Variants in FHOD3 observed in about 807,000 individuals in gnomAD.
FHOD3 encodes formin homology 2 domain containing 3, also known as FH1/FH2 domain-containing protein 3.
In FHOD3, 90 loss-of-function variants were observed where a neutral mutation model predicts 173.0. That is an observed-to-expected ratio of 0.52 (90% confidence interval 0.44 to 0.62). FHOD3 has a LOEUF of 0.62. Ranked by LOEUF, FHOD3 falls within the 20% of genes least tolerant of loss-of-function variation. FHOD3 has a pLI of 0.00. For missense variants in FHOD3, 1,945 were observed against 2,034.7 expected (o/e 0.96, Z 0.85); for synonymous variants, 828 against 823.0 (o/e 1.01, Z -0.10).
chr18:36,739,799 G>GA (rs1199039894), intron 20 of FHOD3, among the ~76,000 whole-genome samples: 4 of 152,118 alleles, frequency 2.6e-5, no homozygotes, highest in Non-Finnish European at 5.9e-5. Context: ...TTTGTGTATT[G>GA]ACCCTATATC....
intron 3 of FHOD3, among the ~76,000 whole-genome samples, chr18:36,386,993 T>G (rs543977944): frequency 8.5e-5 from 13 of 152,336 alleles, no homozygotes; most frequent in Admixed American, 7.2e-4. Flanking sequence ...ATTCAAAATA[T>G]AGAAGTTCTT....
intron 3 of FHOD3, among the ~76,000 whole-genome samples, chr18:36,414,494 A>G (rs2049522545): frequency 6.6e-6 from 1 of 152,200 alleles, no homozygotes; most frequent in South Asian, 2.1e-4. Flanking sequence ...AGCAATACCA[A>G]GGAGAGCTGC....
intron 28 of FHOD3, among the ~76,000 whole-genome samples, chr18:36,773,530 C>T (rs1322325295): frequency 9.9e-5 from 15 of 152,242 alleles, no homozygotes; most frequent in Admixed American, 9.8e-4. Context: ...TCACGAGTGA[C>T]TTGGCCCTTA....
At chr18:36,721,158 T>A (rs2040766437) in intron 19 of FHOD3, among the ~76,000 whole-genome samples, 1 of 152,218 alleles carries the variant, frequency 6.6e-6, no homozygotes, top group Admixed American at 6.5e-5. Context: ...AATGTTTGCA[T>A]AGTTTTTATC....
chr18:36,319,227 A>G (rs1201448789), intron 1 of FHOD3, among the ~76,000 whole-genome samples: 1 of 152,206 alleles, frequency 6.6e-6, no homozygotes. Flanking sequence ...CAGGAGACCC[A>G]TCTCACGTGA....
intron 3 of FHOD3, among the ~76,000 whole-genome samples, chr18:36,472,723 A>G (rs537866987): frequency 1.1e-4 from 16 of 152,262 alleles, no homozygotes; most frequent in African/African-American, 3.6e-4. Flanking sequence ...AGCTTCATCC[A>G]TGTTGTAACA....
chr18:36,310,721 A>C (rs2092235751), intron 1 of FHOD3, among the ~76,000 whole-genome samples: 1 of 151,928 alleles, frequency 6.6e-6, no homozygotes, highest in Non-Finnish European at 1.5e-5. Context: ...AAAAAAAGAA[A>C]TGTCAACTTG....
chr18:36,610,677 T>TTCCAACAC (rs1439105385), intron 8 of FHOD3, among the ~76,000 whole-genome samples: 1 of 152,224 alleles, frequency 6.6e-6, no homozygotes, highest in Non-Finnish European at 1.5e-5. Context: ...GAGGCCTTCT[T>TTCCAACAC]TCCAACACTG....
intron 1 of FHOD3, among the ~76,000 whole-genome samples, chr18:36,312,665 C>CT (rs1410604185): frequency 6.6e-6 from 1 of 152,160 alleles, no homozygotes; most frequent in African/African-American, 2.4e-5. Flanking sequence ...CCCTCTGGTC[C>CT]ATGTGTCATC....
chr18:36,652,544 C>T (rs1177027817), intron 11 of FHOD3, 26 bp from the exon 12 acceptor site: 8 of 1,499,440 alleles, frequency 5.3e-6, no homozygotes, highest in Admixed American at 4.4e-5. Context: ...TTTTCTTCTT[C>T]CTCCTCCTCC....
At chr18:36,432,976 A>G (rs1332614153) in intron 3 of FHOD3, among the ~76,000 whole-genome samples, 1 of 151,990 alleles carries the variant, frequency 6.6e-6, no homozygotes, top group Non-Finnish European at 1.5e-5. Flanking sequence ...CATTTCTATG[A>G]CCCCGGCTTG....
chr18:36,341,616 A>C (rs542489825), intron 1 of FHOD3, among the ~76,000 whole-genome samples: 1 of 152,340 alleles, frequency 6.6e-6, no homozygotes, highest in South Asian at 2.1e-4. Flanking sequence ...TCTTACCAAG[A>C]TAGACTGATT....
rs1234626707 is a variant in FHOD3 at position 36,760,585 on chromosome 18, C to A, written c.4450-23C>A. The A allele has an allele frequency of 1.9e-6, 3 of 1,540,884 alleles. No individual in the cohort carries two copies. In the African/African-American group the frequency reaches 4.2e-5, roughly 21 times the overall value. On this transcript the variant is annotated intron_variant, in intron 26 of 28. Transcript: ENST00000590592. ...CTTTTTGGGGAGTCTCCCTCACCTG[C>A]TAACTTCCCCTTGGTTTTGCAGTCT...
intron 22 of FHOD3, 139 bp from the exon 23 acceptor site, chr18:36,743,893 G>A (rs1052421219): frequency 2.8e-5 from 26 of 916,110 alleles, no homozygotes; most frequent in South Asian, 2.5e-4. Flanking sequence ...CATGGATCAT[G>A]GAGCATGTGG....
chr18:36,576,711 C>T (rs775763778), intron 6 of FHOD3, among the ~76,000 whole-genome samples, 166 bp downstream of exon 6: 1 of 152,148 alleles, frequency 6.6e-6, no homozygotes, highest in Non-Finnish European at 1.5e-5. Context: ...ACTTAAATTG[C>T]AAATAGCTCA....
chr18:36,298,519 A>T (rs1568087452), intron 1 of FHOD3, among the ~76,000 whole-genome samples: 2 of 152,054 alleles, frequency 1.3e-5, no homozygotes, highest in Non-Finnish European at 2.9e-5. Context: ...CTTCCCGGCG[A>T]CACCGCCTCC....
rs777433168 is a variant in FHOD3, at chr18:36,709,226, G to C, written c.2368G>C (p.Ala790Pro). 1 of 1,614,180 alleles carries C rather than the reference G, an allele frequency of 6.2e-7. No homozygotes were observed. The change falls in exon 18 of 29, where the codon GCA becomes CCA. Residue 790 changes from alanine to proline, a missense_variant. Physicochemically the swap from Ala to Pro is conservative, Grantham distance 27. This residue lies in a region of FHOD3 where 1,099 missense variants were observed against 1,051.2 expected (regional missense o/e 1.05). Transcript: ENST00000590592. ...GGGTGCAGAGACTGAAGTGGAGCAG[G>C]CACTAGAGCAAGAGCCGGAAGAAAG... ...HEGAETEVEQ[A>P]LEQEPEERAS...
At chr18:36,382,483 T>C (rs1265643415) in intron 3 of FHOD3, among the ~76,000 whole-genome samples, 1 of 152,236 alleles carries the variant, frequency 6.6e-6, no homozygotes, top group Non-Finnish European at 1.5e-5. Context: ...CTTAGTCCTT[T>C]GTGTAGGTTG....
In FHOD3 at chr18:36,644,210, G is replaced by A. The variant is rs529063102; in HGVS notation, c.1197-5106G>A. ...CTTATCAATCACAAGCAAAAGACCT[G>A]TGGAGGTATTGGAAAGCCAAAGGCC... On this transcript the variant is annotated intron_variant, in intron 10 of 28. Coordinates refer to ENST00000590592, the MANE Select transcript of FHOD3 (RefSeq NM_001281740.3). Among the ~76,000 whole-genome samples, 9 of 152,308 alleles carry A rather than the reference G, an allele frequency of 5.9e-5. 1 individual carries two copies. In the South Asian group the frequency reaches 1.9e-3, roughly 32 times the overall value.
Sources: allele counts gnomAD v4.1 joint callset (sites outside exome capture counted in the v4.1 genomes callset), GRCh38; gene constraint gnomAD v4.1.1; regional missense constraint gnomAD v4.1.1; transcripts MANE v1.5; gene names NCBI Gene and HGNC (gene_info 2026-07-23, HGNC 2026-07-21).